Variants in AKAP11 observed in about 807,000 individuals in gnomAD.
The protein encoded by AKAP11 is A-kinase anchoring protein 11, also known as A-kinase anchor protein 11.
A neutral mutation model predicts 146.1 loss-of-function variants in AKAP11; 36 were observed. That is an observed-to-expected ratio of 0.25 (90% confidence interval 0.19 to 0.33). The LOEUF (loss-of-function observed/expected upper bound fraction) is 0.33. AKAP11 is among the 10% of genes least tolerant of loss of function. AKAP11 has a pLI of 1.00. For missense variants in AKAP11, 2,201 were observed against 2,197.0 expected (o/e 1.00, Z -0.04); for synonymous variants, 780 against 786.5 (o/e 0.99, Z 0.14).
Position 42,313,104 on chromosome 13 carries a change from C to T in AKAP11, c.5331C>T (p.Asp1777=). ...GTTTAGAAGGAGATTTGTATGAGGA[C>T]AATTTATCCTTTCCAACATCAGACA... is the stretch of plus-strand genomic sequence containing the variant. ...SLGLEGDLYE[D]NLSFPTSDSD... The change falls in exon 10 of 13, where the codon GAC becomes GAT. Residue 1777 remains aspartate, a synonymous_variant. Coordinates refer to ENST00000025301, the MANE Select transcript of AKAP11 (RefSeq NM_016248.4). 1 of 1,613,108 alleles carries T rather than the reference C, an allele frequency of 6.2e-7. No homozygotes were observed. The highest frequency in any genetic ancestry group is 8.5e-7 in the Non-Finnish European group (1 of 1,179,708).
In AKAP11 at chr13:42,317,628, C is replaced by T; in HGVS notation, c.5505C>T (p.Ala1835=). The change falls in exon 12 of 13, where the codon GCC becomes GCT. Residue 1835 remains alanine (A), a synonymous_variant. Transcript: ENST00000025301. Reference sequence around the variant, plus strand: ...GGATTATTCTTCAGTGGCTCATTGCCTCTGAGGCTGAAGTTGCAGAACTTT... The same window carrying T: ...GGATTATTCTTCAGTGGCTCATTGCTTCTGAGGCTGAAGTTGCAGAACTTT... ...QLRIILQWLI[A]SEAEVAELYF... 2 of 1,614,164 alleles carry T rather than the reference C, an allele frequency of 1.2e-6. No individual in the cohort carries two copies. Among genetic ancestry groups the T allele is most frequent in the Non-Finnish European group, 1.7e-6 (2 of 1,180,020 alleles).
Position 42,322,101 on chromosome 13 carries a change from G to A in AKAP11, c.*2873G>A, listed in dbSNP as rs1184423132. The A allele has an allele frequency of 6.6e-6, 1 of 152,266 alleles. No individual in the cohort carries two copies. Among genetic ancestry groups the A allele is most frequent in the Admixed American group, 6.5e-5 (1 of 15,278 alleles). 9.4% of individuals were successfully genotyped at this position (152,266 alleles called of 1,614,324 possible). On this transcript the variant is annotated 3_prime_UTR_variant, in exon 13 of 13. Coordinates refer to ENST00000025301, the MANE Select transcript of AKAP11 (RefSeq NM_016248.4). ...ATCACAGAAGAAAATGACAATATCTGTTGGATATTTGATATAATTTAATGG... is the reference window on the plus strand; with the variant it reads ...ATCACAGAAGAAAATGACAATATCTATTGGATATTTGATATAATTTAATGG...
chr13:42,290,889 T>C (rs1352688198), intron 3 of AKAP11, among the ~76,000 whole-genome samples: 1 of 152,190 alleles, frequency 6.6e-6, no homozygotes, highest in East Asian at 1.9e-4. Context: ...TCTAGTTCTT[T>C]TTATTGGTGA....
At chr13:42,285,457 A>C (rs891899155) in intron 1 of AKAP11, among the ~76,000 whole-genome samples, 2 of 152,030 alleles carry the variant, frequency 1.3e-5, no homozygotes, top group Non-Finnish European at 2.9e-5. Context: ...CCCCACTTCT[A>C]CTCTTTATTG....
Position 42,302,659 on chromosome 13 carries a change from G to A in AKAP11, c.3913G>A (p.Asp1305Asn). The change falls in exon 8 of 13, where the codon GAT becomes AAT. Residue 1305 changes from aspartate (D) to asparagine (N), a missense_variant. Physicochemically the swap from Asp to Asn is conservative, Grantham distance 23. This residue lies in a region of AKAP11 where 1,867 missense variants were observed against 1,833.5 expected (regional missense o/e 1.02). Coordinates refer to ENST00000025301, the MANE Select transcript of AKAP11 (RefSeq NM_016248.4). ...DEDYKVEEKL[D>N]IEAVVHPREV... ...AGATTATAAAGTAGAAGAGAAGTTG[G>A]ATATAGAGGCTGTAGTGCACCCAAG... 1 of 1,614,098 alleles carries A rather than the reference G, an allele frequency of 6.2e-7. No homozygotes were observed. The highest frequency in any genetic ancestry group is 8.5e-7 in the Non-Finnish European group (1 of 1,180,016).
chr13:42,299,242 C>A, intron 7 of AKAP11, 121 bp from the exon 8 acceptor site: 1 of 820,968 alleles, frequency 1.2e-6, no homozygotes, highest in Non-Finnish European at 1.8e-6. Flanking sequence ...TTCTGTTAAA[C>A]ATAGTTTAGA....
chr13:42,314,446 TAAAAAAAAAAAA>T (rs59968668), intron 11 of AKAP11, among the ~76,000 whole-genome samples: 1 of 124,764 alleles, frequency 8.0e-6, no homozygotes, highest in Admixed American at 8.5e-5. Flanking sequence ...GACTCTGACT[TAAAAAAAAAAAA>T]AAAAAAAAAA....
intron 8 of AKAP11, among the ~76,000 whole-genome samples, chr13:42,307,902 A>G (rs1314638746): frequency 9.2e-5 from 14 of 152,200 alleles, no homozygotes. Context: ...TGAGCAGTGA[A>G]TGGACTTTCT....
intron 3 of AKAP11, among the ~76,000 whole-genome samples, chr13:42,288,206 GA>G (rs1441945276): frequency 4.6e-5 from 7 of 152,092 alleles, no homozygotes; most frequent in African/African-American, 1.7e-4. Context: ...ATTAAATATA[GA>G]GATACATTAA....
Position 42,303,039 on chromosome 13 carries a change from A to G in AKAP11, c.4293A>G (p.Glu1431=). ...AAAAGAGACAAAGTAAAAGAAATGA[A>G]GGTTACTTTTGTAAAAATCAAACTT... is the stretch of plus-strand genomic sequence containing the variant. ...ADKKRQSKRN[E]GYFCKNQTCE... is the part of the protein sequence containing the mutation. Residue 1431 remains glutamate, a synonymous_variant, in exon 8 of 13, where the codon GAA becomes GAG. Transcript: ENST00000025301. The G allele has an allele frequency of 1.2e-6, 2 of 1,613,030 alleles. No individual in the cohort carries two copies. Among genetic ancestry groups the G allele is most frequent in the Non-Finnish European group, 1.7e-6 (2 of 1,179,820 alleles).
intron 12 of AKAP11, 48 bp downstream of exon 12, chr13:42,317,736 A>G (rs761457636): frequency 6.4e-7 from 1 of 1,571,086 alleles, no homozygotes; most frequent in East Asian, 2.2e-5. Flanking sequence ...ACAGTATATG[A>G]TGTTCTTGTC....
At chr13:42,294,741 A>G (rs1388825724) in intron 4 of AKAP11, among the ~76,000 whole-genome samples, 1 of 152,178 alleles carries the variant, frequency 6.6e-6, no homozygotes, top group Non-Finnish European at 1.5e-5. Context: ...TACTCAAAGT[A>G]GAACAAAGAA....
intron 12 of AKAP11, 114 bp downstream of exon 12, chr13:42,317,802 C>A (rs2138722275): frequency 1.6e-6 from 2 of 1,248,872 alleles, no homozygotes; most frequent in Middle Eastern, 2.7e-4. Context: ...GCTGTAGTGT[C>A]CAACAGTTTG....
At chr13:42,317,229 A>AC (rs1191778178) in intron 11 of AKAP11, among the ~76,000 whole-genome samples, 1 of 151,974 alleles carries the variant, frequency 6.6e-6, no homozygotes, top group Non-Finnish European at 1.5e-5. Context: ...TTTCTCTCTA[A>AC]CCCACTGGTC....
rs148729821 is a variant in AKAP11 at position 42,320,386 on chromosome 13, C to G, written c.*1158C>G. The G allele has an allele frequency of 3.8e-4, 54 of 143,038 alleles. No individual in the cohort carries two copies. Among genetic ancestry groups the G allele is most frequent in the African/African-American group, 1.4e-3 (54 of 38,836 alleles). The allele number at this position is 143,038 out of a possible 1,614,324, so 8.9% of individuals were successfully genotyped here. On this transcript the variant is annotated 3_prime_UTR_variant, in exon 13 of 13. Coordinates refer to ENST00000025301, the MANE Select transcript of AKAP11 (RefSeq NM_016248.4). ...TTCTCTGACACGATCTTTCTGGGCT[C>G]TACATTTCCTACTAGTTTGTGTCCA...
In AKAP11 at chr13:42,312,030, A is replaced by G. The variant is rs549544395; in HGVS notation, c.5274-1017A>G. Among the ~76,000 whole-genome samples the G allele has an allele frequency of 3.3e-5, 5 of 152,300 alleles. No individual in the cohort carries two copies. In the East Asian group the frequency reaches 9.6e-4, roughly 29 times the overall value. The stretch of plus-strand genomic sequence containing the variant: ...TCACCTTTTTTTGTTAACCATACCA[A>G]CATTTACTGATGTACATAAAATGAT... On this transcript the variant is annotated intron_variant, in intron 9 of 12. Coordinates refer to ENST00000025301, the MANE Select transcript of AKAP11 (RefSeq NM_016248.4).
chr13:42,313,189 C>A, intron 10 of AKAP11, 59 bp downstream of exon 10: 1 of 1,283,222 alleles, frequency 7.8e-7, no homozygotes, highest in South Asian at 1.3e-5. Flanking sequence ...TGCATGATGT[C>A]ATATTCTTCA....
chr13:42,277,533 G>A (rs1958954137), intron 1 of AKAP11, among the ~76,000 whole-genome samples: 3 of 152,224 alleles, frequency 2.0e-5, no homozygotes, highest in Non-Finnish European at 2.9e-5. Context: ...AATCTGGAAT[G>A]CAGTTGAAAA....
chr13:42,299,650 T>C lies in AKAP11; in HGVS notation c.904T>C (p.Ser302Pro), dbSNP rs1284056794. Reference sequence around the variant, plus strand: ...TTTACAGAAAACATTTTTTTCGTCTTCTCCTGCCTACTCATCTGAATCAGA... The same window carrying C: ...TTTACAGAAAACATTTTTTTCGTCTCCTCCTGCCTACTCATCTGAATCAGA... ...SDLQKTFFSS[S>P]PAYSSESECS... Residue 302 changes from serine to proline, a missense_variant, in exon 8 of 13, where the codon TCT (serine) becomes CCT (proline). Coordinates refer to ENST00000025301, the MANE Select transcript of AKAP11 (RefSeq NM_016248.4). 4 of 1,613,800 alleles carry C rather than the reference T, an allele frequency of 2.5e-6. No homozygotes were observed. The highest frequency in any genetic ancestry group is 3.4e-6 in the Non-Finnish European group (4 of 1,179,888).
Sources: allele counts gnomAD v4.1 joint callset (sites outside exome capture counted in the v4.1 genomes callset), GRCh38; gene constraint gnomAD v4.1.1; regional missense constraint gnomAD v4.1.1; transcripts MANE v1.5; gene names NCBI Gene and HGNC (gene_info 2026-07-23, HGNC 2026-07-21).